Variants in PAPSS2 observed in about 807,000 individuals in gnomAD.
PAPSS2 encodes 3'-phosphoadenosine 5'-phosphosulfate synthase 2, also known as bifunctional 3'-phosphoadenosine 5'-phosphosulfate synthase 2.
PAPSS2 carries 61 observed loss-of-function variants against 66.5 expected under a neutral mutation model. The observed-to-expected ratio is 0.92, with a 90% confidence interval of 0.75 to 1.14. The LOEUF (loss-of-function observed/expected upper bound fraction) is 1.14, where lower values mean the gene tolerates loss of function less well. Ranked by LOEUF, PAPSS2 falls within the 50% of genes most tolerant of loss-of-function variation. The pLI, the probability that PAPSS2 is intolerant of heterozygous loss-of-function variation, is 0.00. For missense variants in PAPSS2, 708 were observed against 789.6 expected, an observed-to-expected ratio of 0.90 and a Z score of 1.24; for synonymous variants, 289 against 287.5, an observed-to-expected ratio of 1.01 and a Z score of -0.05.
intron 1 of PAPSS2, among the ~76,000 whole-genome samples, chr10:87,674,607 C>A (rs113019719): frequency 6.6e-6 from 1 of 151,966 alleles, no homozygotes; most frequent in African/African-American, 2.4e-5. Context: ...CAGATTATAT[C>A]GTTGCAGATA....
At chr10:87,694,833 G>C (rs1190432009) in intron 1 of PAPSS2, among the ~76,000 whole-genome samples, 1 of 152,198 alleles carries the variant, frequency 6.6e-6, no homozygotes, top group Non-Finnish European at 1.5e-5. Flanking sequence ...ATCAGTAAAG[G>C]GGCTCTGGGC....
rs1853950547 is a variant in PAPSS2, at chr10:87,747,087, C to T, written c.*1117C>T. ...AGCTGGGTCAGATTCCCCTCAGCTG[C>T]TTAACAAAGTTCCTCGAACAGAAAG... On this transcript the variant is annotated 3_prime_UTR_variant, in exon 13 of 13. Coordinates refer to ENST00000456849, the MANE Select transcript of PAPSS2 (RefSeq NM_001015880.2). The T allele has an allele frequency of 6.6e-6, 1 of 151,942 alleles. No homozygotes were observed. Among genetic ancestry groups the T allele is most frequent in the Non-Finnish European group, 1.5e-5 (1 of 68,028 alleles). 9.4% of individuals were successfully genotyped at this position (151,942 alleles called of 1,614,324 possible).
chr10:87,675,295 G>C (rs1852930561), intron 1 of PAPSS2, among the ~76,000 whole-genome samples: 1 of 152,164 alleles, frequency 6.6e-6, no homozygotes, highest in Non-Finnish European at 1.5e-5. Flanking sequence ...ATATTTGTCA[G>C]TGAAAAATTG....
At chr10:87,662,178 A>T (rs1404255223) in intron 1 of PAPSS2, among the ~76,000 whole-genome samples, 1 of 152,188 alleles carries the variant, frequency 6.6e-6, no homozygotes, top group Non-Finnish European at 1.5e-5. Flanking sequence ...GAGGACAGTT[A>T]ATTCACACAG....
intron 8 of PAPSS2, among the ~76,000 whole-genome samples, chr10:87,722,547 T>TA (rs1313583449): frequency 7.9e-5 from 12 of 152,184 alleles, no homozygotes; most frequent in South Asian, 2.1e-4. Flanking sequence ...CATTGAACAA[T>TA]AAGCTATCTC....
chr10:87,707,903 T>C (rs188498046), intron 1 of PAPSS2, among the ~76,000 whole-genome samples: 201 of 152,308 alleles, frequency 1.3e-3, no homozygotes, highest in African/African-American at 4.5e-3. Context: ...CTAAAAAAAG[T>C]TGGTGCTTTC....
chr10:87,741,230 T>C lies in PAPSS2; in HGVS notation c.1087-5T>C, dbSNP rs1167523668. On this transcript the variant is annotated splice_region_variant and splice_polypyrimidine_tract_variant and intron_variant, in intron 9 of 12. Coordinates refer to ENST00000456849, the MANE Select transcript of PAPSS2 (RefSeq NM_001015880.2). ...CATTAGCAATCATAACAATGTTCTT[T>C]CTAGATGGTGATGGAAAGTGGGGAC... 3 of 1,613,544 alleles carry C rather than the reference T, an allele frequency of 1.9e-6. No individual in the cohort carries two copies. In the East Asian group the frequency reaches 6.7e-5, roughly 36 times the overall value.
chr10:87,696,058 G>T (rs1853230933), intron 1 of PAPSS2, among the ~76,000 whole-genome samples: 1 of 152,078 alleles, frequency 6.6e-6, no homozygotes, highest in Non-Finnish European at 1.5e-5. Context: ...GCATCTATGG[G>T]TGTGGAAACC....
intron 1 of PAPSS2, among the ~76,000 whole-genome samples, chr10:87,681,738 A>G (rs528800526): frequency 3.3e-5 from 5 of 152,316 alleles, no homozygotes; most frequent in African/African-American, 1.2e-4. Context: ...CTACCAGTCT[A>G]CTTTCTGTCT....
At chr10:87,696,083 C>T (rs1485727096) in intron 1 of PAPSS2, among the ~76,000 whole-genome samples, 1 of 152,120 alleles carries the variant, frequency 6.6e-6, no homozygotes, top group Non-Finnish European at 1.5e-5. Flanking sequence ...TCCTGAGGTC[C>T]TGGGGAATAG....
chr10:87,737,509 GGAAA>G (rs1200869302), intron 9 of PAPSS2, among the ~76,000 whole-genome samples: 1 of 152,082 alleles, frequency 6.6e-6, no homozygotes, highest in East Asian at 1.9e-4. Context: ...CTTGCAAAAT[GGAAA>G]CTCTACACCC....
chr10:87,677,146 A>T (rs1852960058), intron 1 of PAPSS2, among the ~76,000 whole-genome samples: 1 of 152,140 alleles, frequency 6.6e-6, no homozygotes, highest in Non-Finnish European at 1.5e-5. Context: ...GTGAGCTGAG[A>T]TCACGCCACT....
At chr10:87,660,820 A>C (rs940386898) in intron 1 of PAPSS2, among the ~76,000 whole-genome samples, 5 of 151,066 alleles carry the variant, frequency 3.3e-5, no homozygotes, top group African/African-American at 4.9e-5. Context: ...AAAAAAAAAA[A>C]AAAAAAAAAA....
chr10:87,682,734 C>T (rs1327195159), intron 1 of PAPSS2, among the ~76,000 whole-genome samples: 2 of 152,046 alleles, frequency 1.3e-5, no homozygotes, highest in Admixed American at 6.5e-5. Flanking sequence ...TCCAGGTGGC[C>T]GCAATGCTTT....
chr10:87,668,682 G>T (rs1852841887), intron 1 of PAPSS2, among the ~76,000 whole-genome samples: 1 of 150,294 alleles, frequency 6.7e-6, no homozygotes, highest in Non-Finnish European at 1.5e-5. Context: ...GTGTGTGTGT[G>T]TGTGTGTGTT....
At chr10:87,729,041 T>A (rs1270856481) in intron 9 of PAPSS2, among the ~76,000 whole-genome samples, 1 of 152,114 alleles carries the variant, frequency 6.6e-6, no homozygotes, top group Non-Finnish European at 1.5e-5. Context: ...GGATTTTATC[T>A]TTACTCAGTG....
rs116302827 is a variant in PAPSS2 at position 87,688,111 on chromosome 10, A to G, written c.28-21085A>G. Among the ~76,000 whole-genome samples, 666 of 152,258 alleles carry G rather than the reference A, an allele frequency of 4.4e-3. 5 individuals carry two copies. The highest frequency in any genetic ancestry group is 0.015 in the African/African-American group (622 of 41,562). On this transcript the variant is annotated intron_variant, in intron 1 of 12. Transcript: ENST00000456849. ...TGTAACTGGAATCTTACTATAAAGT[A>G]AAAATTATTGTAGGCCTTCTAAGGA...
chr10:87,674,708 T>C (rs926352770), intron 1 of PAPSS2, among the ~76,000 whole-genome samples: 1 of 152,210 alleles, frequency 6.6e-6, no homozygotes, highest in African/African-American at 2.4e-5. Flanking sequence ...AAATTAAGAT[T>C]ATAACTGTCT....
At chr10:87,738,397 TTTC>T (rs1347288311) in intron 9 of PAPSS2, among the ~76,000 whole-genome samples, 3 of 150,564 alleles carry the variant, frequency 2.0e-5, no homozygotes, top group African/African-American at 7.4e-5. Flanking sequence ...ACTTGTTTTT[TTTC>T]TTTTCTGTGT....
Sources: allele counts gnomAD v4.1 joint callset (sites outside exome capture counted in the v4.1 genomes callset), GRCh38; gene constraint gnomAD v4.1.1; transcripts MANE v1.5; gene names NCBI Gene and HGNC (gene_info 2026-07-23, HGNC 2026-07-21).